The following DGKZ variants were observed in gnomAD, a reference collection of about 807,000 sequenced individuals.
DGKZ encodes DAG kinase zeta.
A neutral mutation model predicts 142.5 loss-of-function variants in DGKZ; 45 were observed. The observed-to-expected ratio is 0.32, with a 90% confidence interval of 0.25 to 0.40. DGKZ has a LOEUF of 0.40. Ranked by LOEUF, DGKZ falls within the 10% of genes least tolerant of loss-of-function variation. The pLI is 1.00. For missense variants in DGKZ, 755 were observed against 1,306.5 expected, an observed-to-expected ratio of 0.58 and a Z score of 6.51; for synonymous variants, 442 against 527.0, an observed-to-expected ratio of 0.84 and a Z score of 2.21.
At position 46,372,090 on chromosome 11, in the gene DGKZ, C is replaced by T. The variant is rs1317594945; in HGVS notation, c.847C>T (p.Pro283Ser). The T allele has an allele frequency of 6.2e-7, 1 of 1,610,780 alleles. No individual in the cohort carries two copies. The highest frequency in any genetic ancestry group is 1.7e-5 in the Admixed American group (1 of 59,782). The stretch of plus-strand genomic sequence containing the variant: ...TGTCTCCCAGGAGGGCCGCTGGAGA[C>T]CCTTCATCATCAGGCCCACCCCCTC... Residue 283 changes from proline to serine, a missense_variant, in exon 10 of 31, where the codon CCC becomes TCC. Coordinates refer to ENST00000527911, the Ensembl canonical transcript of DGKZ. This position sits in a 1 kb window ranked among gnomAD's most constrained non-coding sequence, Gnocchi z 5.9.
At position 46,347,965 on chromosome 11, in the gene DGKZ, C is replaced by G; in HGVS notation, c.161+145C>G. On this transcript the variant is annotated intron_variant, in intron 1 of 30. Transcript: ENST00000527911. The surrounding 1 kb of genome is among the most constrained non-coding windows in gnomAD (Gnocchi z 6.4). Reference sequence around the variant, plus strand: ...AGAGGCTGGCACCGGCGGCACGAGCCGTCTTGGCGTGGGCACCCACTGGGA... The same window carrying G: ...AGAGGCTGGCACCGGCGGCACGAGCGGTCTTGGCGTGGGCACCCACTGGGA... 8.3e-7 allele frequency: 1 copy of G among 1,198,326 alleles called. No individual in the cohort carries two copies. The highest frequency in any genetic ancestry group is 1.1e-6 in the Non-Finnish European group (1 of 946,612). 74.2% of individuals were successfully genotyped at this position (1,198,326 alleles called of 1,614,324 possible).
At chr11:46,370,144 A>C (rs1471696145) in intron 6 of DGKZ, 135 bp downstream of exon 6, 3 of 1,045,678 alleles carry the variant, frequency 2.9e-6, no homozygotes, top group Non-Finnish European at 4.3e-6. Flanking sequence ...GCCTGGCTGC[A>C]GTGCCTTCAG....
At chr11:46,375,160 G>A (rs985428751) in intron 19 of DGKZ, 115 bp downstream of exon 19, 9 of 1,042,532 alleles carry the variant, frequency 8.6e-6, no homozygotes, top group South Asian at 1.7e-5. Flanking sequence ...TCCCTTCTTT[G>A]TCTCATTCCT....
Position 46,367,122 on chromosome 11 carries a change from C to A in DGKZ, c.162-169C>A. ...GGCAGTACCCTGAAGCCAGCGTACCCCAAAAGGCCATGTCTCTTGCAGGGA... is the reference window on the plus strand; with the variant it reads ...GGCAGTACCCTGAAGCCAGCGTACCACAAAAGGCCATGTCTCTTGCAGGGA... On this transcript the variant is annotated intron_variant, in intron 1 of 30. Coordinates refer to ENST00000527911, the Ensembl canonical transcript of DGKZ. The surrounding 1 kb of genome is among the most constrained non-coding windows in gnomAD (Gnocchi z 4.1). 1 of 1,290,646 alleles carries A rather than the reference C, an allele frequency of 7.7e-7. No homozygotes were observed. The highest frequency in any genetic ancestry group is 1.1e-6 in the Non-Finnish European group (1 of 925,172). 79.9% of individuals were successfully genotyped at this position (1,290,646 alleles called of 1,614,324 possible).
chr11:46,333,003 G>C (rs1810997272), exon 1 of DGKZ: 2 of 320,050 alleles, frequency 6.2e-6, no homozygotes, highest in Non-Finnish European at 1.1e-5. Context: ...AGCCGTCCGG[G>C]GGGCGCCGCG....
chr11:46,369,616 C>T (rs779969600), intron 5 of DGKZ, 66 bp downstream of exon 5: 178 of 1,592,366 alleles, frequency 1.1e-4, no homozygotes, highest in Non-Finnish European at 1.4e-4. Flanking sequence ...CTGCGCAGTG[C>T]CTCTGGAGTG....
chr11:46,352,575 G>A (rs1372410813), intron 1 of DGKZ, among the ~76,000 whole-genome samples: 3 of 152,178 alleles, frequency 2.0e-5, no homozygotes, highest in Non-Finnish European at 1.5e-5. Context: ...GGACTCCCGC[G>A]CTGGGCTTCC....
At chr11:46,371,207 C>A in intron 6 of DGKZ, 106 bp from the exon 7 acceptor site, 2 of 1,108,748 alleles carry the variant, frequency 1.8e-6, no homozygotes, top group Non-Finnish European at 2.7e-6. Flanking sequence ...GCCTGGGCAA[C>A]ATAGCGAGGC....
At chr11:46,353,694 C>T (rs550181323) in intron 1 of DGKZ, among the ~76,000 whole-genome samples, 11 of 152,170 alleles carry the variant, frequency 7.2e-5, no homozygotes, top group Non-Finnish European at 1.2e-4. Flanking sequence ...TCGCTTCACT[C>T]GTACCCAGTG....
chr11:46,379,552 T>A (rs747714091), exon 30 of DGKZ: 1 of 1,610,068 alleles, frequency 6.2e-7, no homozygotes, highest in South Asian at 1.1e-5. Flanking sequence ...GCCTCGCTCA[T>A]GAAGACAGAC....
chr11:46,334,749 T>C (rs1410474629), intron 1 of DGKZ, among the ~76,000 whole-genome samples: 1 of 151,926 alleles, frequency 6.6e-6, no homozygotes, highest in African/African-American at 2.4e-5. Flanking sequence ...CCCAGGGGAG[T>C]GCATCATCCA....
At chr11:46,352,174 C>T (rs1420752650) in intron 1 of DGKZ, among the ~76,000 whole-genome samples, 1 of 152,210 alleles carries the variant, frequency 6.6e-6, no homozygotes, top group African/African-American at 2.4e-5. Context: ...AGCCCTGAGT[C>T]TTAGGCCGCG....
chr11:46,359,369 T>C (rs1200929926), intron 1 of DGKZ, among the ~76,000 whole-genome samples: 1 of 151,148 alleles, frequency 6.6e-6, no homozygotes, highest in East Asian at 2.0e-4. Context: ...CACTTGAGCC[T>C]GGGAGGCTGG....
At chr11:46,355,424 C>T (rs1941900397) in intron 1 of DGKZ, among the ~76,000 whole-genome samples, 1 of 152,006 alleles carries the variant, frequency 6.6e-6, no homozygotes, top group Non-Finnish European at 1.5e-5. Flanking sequence ...TTTCTTAAAA[C>T]TTTCAGTAAA....
At chr11:46,370,414 G>C (rs1943813389) in intron 6 of DGKZ, among the ~76,000 whole-genome samples, 1 of 152,254 alleles carries the variant, frequency 6.6e-6, no homozygotes, top group South Asian at 2.1e-4. Flanking sequence ...GTCCACAGTT[G>C]TTTGGTTCAC....
chr11:46,342,263 G>A (rs998882439), intron 1 of DGKZ, among the ~76,000 whole-genome samples: 6 of 152,098 alleles, frequency 3.9e-5, no homozygotes, highest in Non-Finnish European at 5.9e-5. Context: ...CCTTCCAGCC[G>A]TGTCCTCCCC....
chr11:46,349,997 A>G (rs550032245), intron 1 of DGKZ, among the ~76,000 whole-genome samples: 2 of 152,304 alleles, frequency 1.3e-5, no homozygotes, highest in African/African-American at 4.8e-5. Context: ...TTTGAGAAGC[A>G]CAGTAGTCCG....
At chr11:46,376,227 C>T (rs1314050417) in intron 22 of DGKZ, 82 bp downstream of exon 22, 26 of 1,605,650 alleles carry the variant, frequency 1.6e-5, no homozygotes, top group East Asian at 2.2e-5. Context: ...GCAGCCAGCT[C>T]GCCCTGCGGA....
At chr11:46,374,451 C>A in exon 16 of DGKZ, 1 of 1,613,972 alleles carries the variant, frequency 6.2e-7, no homozygotes, top group Non-Finnish European at 8.5e-7. Flanking sequence ...TGTTCTACGC[C>A]GGGGTGAGTG....
Sources: allele counts gnomAD v4.1 joint callset (sites outside exome capture counted in the v4.1 genomes callset), GRCh38; gene constraint gnomAD v4.1.1; non-coding constraint Gnocchi (gnomAD v3.1); transcripts MANE v1.5; gene names NCBI Gene and HGNC (gene_info 2026-07-23, HGNC 2026-07-21).